The following PDE1C variants were observed in gnomAD, a reference collection of about 807,000 sequenced individuals.
PDE1C encodes phosphodiesterase 1C.
In PDE1C, 62 loss-of-function variants were observed where a neutral mutation model predicts 93.1. That is an observed-to-expected ratio of 0.67 (90% CI 0.54 to 0.82). The LOEUF (loss-of-function observed/expected upper bound fraction) is 0.82, where lower values mean the gene tolerates loss of function less well. Among genes scored for constraint, PDE1C ranks in the 40% least tolerant of loss-of-function variants. The pLI is 0.00. For synonymous variants in PDE1C, 325 were observed against 310.1 expected (o/e 1.05, Z -0.50); for missense variants, 742 against 884.6 (o/e 0.84, Z 2.04).
At chr7:32,366,500 T>C (rs1047048097) in intron 1 of PDE1C, among the ~76,000 whole-genome samples, 2 of 152,060 alleles carry the variant, frequency 1.3e-5, no homozygotes, top group Non-Finnish European at 2.9e-5. Context: ...AGGGAATATA[T>C]TTAATGAACT....
chr7:31,816,365 A>C (rs1257350302), intron 14 of PDE1C, among the ~76,000 whole-genome samples: 2 of 152,140 alleles, frequency 1.3e-5, no homozygotes, highest in Non-Finnish European at 2.9e-5. Flanking sequence ...GTTAGAGGAG[A>C]GGTCAGGGAG....
the PDE1C span, among the ~76,000 whole-genome samples, chr7:31,714,379 G>A: frequency 6.6e-6 from 1 of 152,052 alleles, no homozygotes; most frequent in African/African-American, 2.4e-5. Context: ...TCATCATTTT[G>A]TTCAAAGTCA....
chr7:31,890,591 C>G (rs2128898248), intron 2 of PDE1C, among the ~76,000 whole-genome samples: 1 of 152,236 alleles, frequency 6.6e-6, no homozygotes, highest in Non-Finnish European at 1.5e-5. Context: ...TCCAGAGGAG[C>G]TAAAGCTCCC....
intron 2 of PDE1C, among the ~76,000 whole-genome samples, chr7:32,017,616 G>T (rs1054790111): frequency 6.6e-6 from 1 of 152,050 alleles, no homozygotes; most frequent in Non-Finnish European, 1.5e-5. Context: ...TGAGGGACTA[G>T]TATCTAGAAT....
intron 1 of PDE1C, among the ~76,000 whole-genome samples, chr7:32,230,465 C>T (rs1300299470): frequency 1.3e-5 from 2 of 152,118 alleles, no homozygotes; most frequent in Middle Eastern, 3.4e-3. Flanking sequence ...AAAATGAAGC[C>T]CAAGTATGCC....
chr7:32,266,593 A>T (rs538338870), intron 1 of PDE1C, among the ~76,000 whole-genome samples: 3 of 152,330 alleles, frequency 2.0e-5, no homozygotes, highest in Admixed American at 2.0e-4. Context: ...GCAAATAAAA[A>T]TAATTCAGAT....
At chr7:32,058,580 T>A (rs1159665684) in intron 1 of PDE1C, among the ~76,000 whole-genome samples, 1 of 152,176 alleles carries the variant, frequency 6.6e-6, no homozygotes, top group Non-Finnish European at 1.5e-5. Context: ...CTTACATCAT[T>A]TGTATGAATT....
chr7:31,631,792 TAG>T, the PDE1C span, among the ~76,000 whole-genome samples: 1 of 152,228 alleles, frequency 6.6e-6, no homozygotes, highest in African/African-American at 2.4e-5. Context: ...CTTCATAGGA[TAG>T]AGACTCTTCT....
rs1260566074 is a variant in PDE1C, at chr7:31,775,667, G to A, written c.1957C>T (p.Pro653Ser). 3.7e-6 allele frequency: 6 copies of A among 1,612,172 alleles called. No individual in the cohort carries two copies. Among genetic ancestry groups the A allele is most frequent in the Non-Finnish European group, 5.1e-6 (6 of 1,179,432 alleles). The change falls in exon 17 of 18, where the codon CCA becomes TCA. Residue 653 changes from proline to serine, a missense_variant. By Grantham distance (74) the Pro-to-Ser change is moderately conservative. Coordinates refer to ENST00000396191, the MANE Select transcript of PDE1C (RefSeq NM_001191057.4). ...STSSTCRLTL[P>S]VIKPPLRHFK... ...TGGTGCAATGCTGTTTACCCACCTG[G>A]CAACGTAAGGCGACACGTGGAGCTG... is the stretch of plus-strand genomic sequence containing the variant.
intron 3 of PDE1C, among the ~76,000 whole-genome samples, chr7:32,084,005 T>G (rs1017366910): frequency 6.6e-6 from 1 of 150,408 alleles, no homozygotes; most frequent in African/African-American, 2.5e-5. Flanking sequence ...ATAACAATAT[T>G]AACTTTAAAT....
At chr7:31,626,700 A>G in the PDE1C span, among the ~76,000 whole-genome samples, 1 of 152,182 alleles carries the variant, frequency 6.6e-6, no homozygotes, top group Non-Finnish European at 1.5e-5. Context: ...TTAGTTTTAA[A>G]TGTGCCCCAA....
At chr7:31,620,071 A>G in the PDE1C span, among the ~76,000 whole-genome samples, 3 of 152,140 alleles carry the variant, frequency 2.0e-5, no homozygotes, top group Non-Finnish European at 4.4e-5. Context: ...GCCCGCCATT[A>G]CCCAGGCTTG....
At chr7:31,624,060 A>G in the PDE1C span, among the ~76,000 whole-genome samples, 8 of 151,092 alleles carry the variant, frequency 5.3e-5, no homozygotes, top group Non-Finnish European at 8.8e-5. Flanking sequence ...AATCCACCTT[A>G]CAAGGGATGT....
chr7:32,002,558 G>A (rs560422586), intron 2 of PDE1C, among the ~76,000 whole-genome samples: 22 of 148,698 alleles, frequency 1.5e-4, no homozygotes, highest in Non-Finnish European at 2.9e-4. Flanking sequence ...TTAGAACAGC[G>A]CCTGACATAA....
intron 2 of PDE1C, among the ~76,000 whole-genome samples, chr7:31,922,692 T>C (rs1279656996): frequency 4.6e-5 from 7 of 152,188 alleles, no homozygotes; most frequent in African/African-American, 1.2e-4. Context: ...ATCCTGTTTA[T>C]GCAACATTTT....
downstream of PDE1C, among the ~76,000 whole-genome samples, chr7:31,746,838 C>T (rs1794017540): frequency 6.6e-6 from 1 of 152,030 alleles, no homozygotes; most frequent in Non-Finnish European, 1.5e-5. Flanking sequence ...GAAAAAAAGC[C>T]ACAAGTTGGA....
intron 2 of PDE1C, among the ~76,000 whole-genome samples, chr7:31,946,986 T>C (rs1420013745): frequency 6.6e-6 from 1 of 152,228 alleles, no homozygotes; most frequent in South Asian, 2.1e-4. Context: ...GGCTAGGAGT[T>C]GAGCTATATA....
chr7:32,055,607 C>A (rs1019561852), intron 1 of PDE1C, among the ~76,000 whole-genome samples: 2 of 152,002 alleles, frequency 1.3e-5, no homozygotes, highest in Admixed American at 6.6e-5. Context: ...TTCTGTCCAC[C>A]AAAATGCAGG....
At chr7:32,039,728 C>T (rs1791573115) in intron 2 of PDE1C, among the ~76,000 whole-genome samples, 1 of 152,114 alleles carries the variant, frequency 6.6e-6, no homozygotes. Context: ...TGCTTTGTAC[C>T]TACTAATTTT....
Sources: allele counts gnomAD v4.1 joint callset (sites outside exome capture counted in the v4.1 genomes callset), GRCh38; gene constraint gnomAD v4.1.1; transcripts MANE v1.5; gene names NCBI Gene and HGNC (gene_info 2026-07-23, HGNC 2026-07-21).